The following USP9X variants were observed in gnomAD, a reference collection of about 807,000 sequenced individuals.
USP9X encodes the protein ubiquitin specific peptidase 9 X-linked.
Under a neutral mutation model 190.3 loss-of-function variants are expected in USP9X, and 7 were observed. The ratio of observed to expected loss-of-function variants is 0.04; its 90% CI spans 0.02 to 0.07. The LOEUF (loss-of-function observed/expected upper bound fraction) is 0.07, where lower values mean the gene tolerates loss of function less well. Among genes scored for constraint, USP9X ranks in the 10% least tolerant of loss-of-function variants. USP9X has a pLI of 1.00. For missense variants in USP9X, 1,010 were observed against 1,916.9 expected (o/e 0.53, Z 8.83); for synonymous variants, 645 against 659.5 (o/e 0.98, Z 0.34).
At chrX:41,207,525 A>G (rs2063114152) in intron 32 of USP9X, among the ~76,000 whole-genome samples, 1 of 112,225 alleles carries the variant, frequency 8.9e-6, no homozygotes, top group African/African-American at 3.2e-5. Context: ...CTCAGATTAC[A>G]TTTTTATCTT....
At chrX:41,188,167 T>C in intron 25 of USP9X, 50 bp downstream of exon 25, 1 of 1,110,710 alleles carries the variant, frequency 9.0e-7, no homozygotes, top group Non-Finnish European at 1.2e-6. Context: ...GTTTCTTAAT[T>C]GTGCATGTGG....
intron 31 of USP9X, 151 bp from the exon 32 acceptor site, chrX:41,205,152 A>G (rs1472194610): frequency 4.7e-6 from 2 of 426,970 alleles, no homozygotes; most frequent in Non-Finnish European, 3.9e-6. Flanking sequence ...TGGTGGGGAT[A>G]AACACTAAAT....
chrX:41,099,825 T>C (rs1166200764), intron 1 of USP9X, among the ~76,000 whole-genome samples: 3 of 111,929 alleles, frequency 2.7e-5, no homozygotes. Flanking sequence ...AATGAAACCC[T>C]GTTGCTACTA....
chrX:41,090,986 G>A (rs763453568), intron 1 of USP9X, among the ~76,000 whole-genome samples: 4 of 110,540 alleles, frequency 3.6e-5, no homozygotes, highest in Non-Finnish European at 5.7e-5. Flanking sequence ...TTTTTAATCC[G>A]TTCAACAAAT....
At chrX:41,150,441 T>A (rs187790646) in intron 12 of USP9X, among the ~76,000 whole-genome samples, 1 of 112,333 alleles carries the variant, frequency 8.9e-6, no homozygotes, top group East Asian at 2.8e-4. Flanking sequence ...TTAAATGTAG[T>A]TGTCATTCTA....
intron 18 of USP9X, 39 bp from the exon 19 acceptor site, chrX:41,169,956 G>C (rs1258816057): frequency 8.3e-7 from 1 of 1,202,697 alleles, no homozygotes; most frequent in Admixed American, 2.2e-5. Flanking sequence ...TTCAGAGTCT[G>C]CTGAATATGA....
chrX:41,094,873 C>T (rs1438420014), intron 1 of USP9X, among the ~76,000 whole-genome samples: 1 of 108,410 alleles, frequency 9.2e-6, no homozygotes, highest in Non-Finnish European at 1.9e-5. Context: ...ACCCCCGTCT[C>T]TACTAAAAAT....
At chrX:41,117,221 A>T (rs961607608) in intron 1 of USP9X, among the ~76,000 whole-genome samples, 2 of 111,836 alleles carry the variant, frequency 1.8e-5, no homozygotes, top group African/African-American at 3.3e-5. Flanking sequence ...CTGTGGTCTT[A>T]GAGAAAGGTG....
intron 9 of USP9X, among the ~76,000 whole-genome samples, chrX:41,142,186 T>G (rs765909196): frequency 9.0e-6 from 1 of 111,470 alleles, no homozygotes; most frequent in East Asian, 2.8e-4. Context: ...ATACATATGA[T>G]GTACGTATCT....
At chrX:41,136,390 G>C (rs1459068873) in intron 5 of USP9X, among the ~76,000 whole-genome samples, 1 of 111,213 alleles carries the variant, frequency 9.0e-6, no homozygotes, top group African/African-American at 3.3e-5. Context: ...CAAACTCCTG[G>C]CCTCAAGTGA....
At chrX:41,112,706 T>G (rs1406477563) in intron 1 of USP9X, among the ~76,000 whole-genome samples, 1 of 112,106 alleles carries the variant, frequency 8.9e-6, no homozygotes, top group African/African-American at 3.2e-5. Context: ...GCCCACAGGG[T>G]GGTTATGGAC....
In USP9X at chrX:41,189,346, A is replaced by G. The variant is rs2062910690; in HGVS notation, c.3848A>G (p.Gln1283Arg). 18 of 1,211,337 alleles carry G rather than the reference A, an allele frequency of 1.5e-5. No individual in the cohort carries two copies. Among genetic ancestry groups the G allele is most frequent in the Non-Finnish European group, 2.0e-5 (18 of 895,002 alleles). The change falls in exon 26 of 45, where the codon CAG becomes CGG. Residue 1283 changes from glutamine to arginine, a missense_variant. Around this residue, in one of 11 missense-constraint regions of USP9X, gnomAD observed 351 missense variants for 480.8 expected, o/e 0.73. Coordinates refer to ENST00000378308, the MANE Select transcript of USP9X (RefSeq NM_001039591.3). Reference protein sequence around the residue: ...AGNEPDLEDEQVCCEALEVMT... With the variant: ...AGNEPDLEDERVCCEALEVMT... Reference sequence around the variant, plus strand: ...AATGAGCCAGACTTGGAAGACGAACAGGTTTGCTGTGAAGCATTGGAAGTG... The same window carrying G: ...AATGAGCCAGACTTGGAAGACGAACGGGTTTGCTGTGAAGCATTGGAAGTG...
At chrX:41,099,122 TA>T (rs1366457420) in intron 1 of USP9X, among the ~76,000 whole-genome samples, 4 of 77,959 alleles carry the variant, frequency 5.1e-5, no homozygotes, top group African/African-American at 1.0e-4. Context: ...TTTTTTTTTT[TA>T]AACAGAGATG....
At chrX:41,131,962 A>G (rs1478505834) in intron 4 of USP9X, among the ~76,000 whole-genome samples, 3 of 111,678 alleles carry the variant, frequency 2.7e-5, no homozygotes, top group Non-Finnish European at 3.8e-5. Context: ...AAATATTACT[A>G]TGTAAGTCTA....
intron 1 of USP9X, among the ~76,000 whole-genome samples, chrX:41,117,570 TTTC>T (rs200874276): frequency 0.11 from 11,369 of 104,345 alleles, 579 homozygotes; most frequent in East Asian, 0.18. Context: ...ACCTTTTTTT[TTTC>T]TTCTTCTTTT....
intron 4 of USP9X, among the ~76,000 whole-genome samples, chrX:41,134,063 T>C (rs2062349436): frequency 8.9e-6 from 1 of 112,344 alleles, no homozygotes; most frequent in Non-Finnish European, 1.9e-5. Flanking sequence ...TCAGTGGACA[T>C]GTATTCCTCC....
At chrX:41,175,895 ATT>A (rs142613528) in intron 21 of USP9X, among the ~76,000 whole-genome samples, 1 of 101,846 alleles carries the variant, frequency 9.8e-6, no homozygotes. Context: ...TATATTTGTA[ATT>A]TTTTTTTTTT....
intron 35 of USP9X, 65 bp downstream of exon 35, chrX:41,216,717 T>A: frequency 3.7e-6 from 4 of 1,076,082 alleles, no homozygotes; most frequent in Non-Finnish European, 3.7e-6. Context: ...GTCAACATGT[T>A]TAAGTTCATA....
At chrX:41,099,096 GTTTTTTTTTT>G (rs34179321) in intron 1 of USP9X, among the ~76,000 whole-genome samples, 2 of 44,274 alleles carry the variant, frequency 4.5e-5, no homozygotes, top group Non-Finnish European at 7.4e-5. Flanking sequence ...CCAGATAATT[GTTTTTTTTTT>G]TTTTTTTTTT....
Sources: allele counts gnomAD v4.1 joint callset (sites outside exome capture counted in the v4.1 genomes callset), GRCh38; gene constraint gnomAD v4.1.1; regional missense constraint gnomAD v4.1.1; transcripts MANE v1.5; gene names NCBI Gene and HGNC (gene_info 2026-07-23, HGNC 2026-07-21).